PTPRD: variants seen among roughly 807,000 people sequenced by gnomAD.
The protein encoded by PTPRD is receptor-type tyrosine-protein phosphatase delta.
PTPRD carries 34 observed loss-of-function variants against 214.5 expected under a neutral mutation model. That is an observed-to-expected ratio of 0.16 (90% CI 0.12 to 0.21). PTPRD has a LOEUF of 0.21. Ranked by LOEUF, PTPRD falls within the 10% of genes least tolerant of loss-of-function variation. The pLI is 1.00. For missense variants in PTPRD, 2,545 were observed against 2,398.7 expected (o/e 1.06, Z -1.27); for synonymous variants, 1,128 against 845.7 (o/e 1.33, Z -5.79).
At chr9:9,008,388 C>A (rs149363652) in intron 11 of PTPRD, among the ~76,000 whole-genome samples, 1 of 151,620 alleles carries the variant, frequency 6.6e-6, no homozygotes, top group African/African-American at 2.4e-5. Flanking sequence ...CCACCACACC[C>A]GGCTAATTTT....
At chr9:9,669,509 A>G (rs527245544) in intron 7 of PTPRD, among the ~76,000 whole-genome samples, 15 of 152,340 alleles carry the variant, frequency 9.8e-5, no homozygotes, top group African/African-American at 3.6e-4. Context: ...AAAGTACCAC[A>G]TTAAACACAT....
At chr9:9,972,613 A>G (rs1305842021) in intron 4 of PTPRD, among the ~76,000 whole-genome samples, 1 of 152,156 alleles carries the variant, frequency 6.6e-6, no homozygotes, top group Non-Finnish European at 1.5e-5. Flanking sequence ...CAAATTTGTT[A>G]TTGTACAGTT....
At chr9:8,816,957 A>G (rs1053880288) in intron 11 of PTPRD, among the ~76,000 whole-genome samples, 4 of 152,226 alleles carry the variant, frequency 2.6e-5, no homozygotes, top group African/African-American at 4.8e-5. Context: ...CATCTGTGTT[A>G]TAAGTGTAAC....
rs1316713444 is a variant in PTPRD at position 8,507,334 on chromosome 9, T to C, written c.1644A>G (p.Glu548=). 6.2e-7 allele frequency: 1 copy of C among 1,614,010 alleles called. No homozygotes were observed. Among genetic ancestry groups the C allele is most frequent in the Non-Finnish European group, 8.5e-7 (1 of 1,179,882 alleles). ...PPRSDTIANY[E]LVYKDGEHGE... ...CATGCTCCCCATCTTTGTAGACCAGTTCATAGTTGGCAATGGTATCTGAAC... is the reference window on the plus strand; with the variant it reads ...CATGCTCCCCATCTTTGTAGACCAGCTCATAGTTGGCAATGGTATCTGAAC... Residue 548 remains glutamate, a synonymous_variant, in exon 22 of 46, where the codon GAA becomes GAG. Coordinates refer to ENST00000381196, the MANE Select transcript of PTPRD (RefSeq NM_002839.4).
chr9:9,832,254 A>G (rs546658439), intron 5 of PTPRD, among the ~76,000 whole-genome samples: 2 of 152,156 alleles, frequency 1.3e-5, no homozygotes, highest in South Asian at 4.1e-4. Context: ...ACGAAAGAGT[A>G]TCTACAATGA....
Position 9,250,131 on chromosome 9 carries a change from T to C in PTPRD, c.-202-66768A>G, listed in dbSNP as rs1299173741. ...AGCACACCATGAACAGTCGCATACA[T>C]ACATTCTTTAATATATGGCCACAAT... On this transcript the variant is annotated intron_variant, in intron 9 of 45. Transcript: ENST00000381196. Among the ~76,000 whole-genome samples, 5 of 152,066 alleles carry C rather than the reference T, an allele frequency of 3.3e-5. No individual in the cohort carries two copies. In the East Asian group the frequency reaches 5.8e-4, roughly 18 times the overall value.
At chr9:8,409,068 T>C (rs117939866) in intron 35 of PTPRD, among the ~76,000 whole-genome samples, 1 of 152,348 alleles carries the variant, frequency 6.6e-6, no homozygotes, top group Non-Finnish European at 1.5e-5. Context: ...GTTTGCATTG[T>C]ATTCTCGACA....
At chr9:10,543,954 G>A (rs1320940186) in intron 2 of PTPRD, among the ~76,000 whole-genome samples, 2 of 152,114 alleles carry the variant, frequency 1.3e-5, no homozygotes, top group Non-Finnish European at 2.9e-5. Flanking sequence ...GAGGAGGGCA[G>A]CAATAATATA....
At chr9:9,946,829 C>T (rs941558038) in intron 4 of PTPRD, among the ~76,000 whole-genome samples, 1 of 152,016 alleles carries the variant, frequency 6.6e-6, no homozygotes, top group Non-Finnish European at 1.5e-5. Context: ...AAGCAAAACT[C>T]AAGTAGTTCC....
At chr9:9,846,448 A>G (rs1160934360) in intron 5 of PTPRD, among the ~76,000 whole-genome samples, 2 of 152,180 alleles carry the variant, frequency 1.3e-5, no homozygotes, top group Admixed American at 1.3e-4. Flanking sequence ...AAGCCCTTAA[A>G]ACTACTATAA....
chr9:8,469,367 G>C (rs1406357547), intron 31 of PTPRD, among the ~76,000 whole-genome samples: 2 of 151,980 alleles, frequency 1.3e-5, no homozygotes, highest in African/African-American at 4.8e-5. Flanking sequence ...TTCTGGCTTG[G>C]ATCTCAGTGC....
chr9:10,246,353 C>G (rs1185811170), intron 3 of PTPRD, among the ~76,000 whole-genome samples: 1 of 152,106 alleles, frequency 6.6e-6, no homozygotes, highest in African/African-American at 2.4e-5. Context: ...AAGTAATTCT[C>G]CTGCCTCAGC....
chr9:8,517,817 C>A (rs2138441845), intron 21 of PTPRD, 31 bp downstream of exon 21: 2 of 1,575,062 alleles, frequency 1.3e-6, no homozygotes, highest in East Asian at 4.5e-5. Context: ...CCCTTCCCTC[C>A]TGCCCTATTT....
chr9:9,811,040 C>T (rs186666331), intron 5 of PTPRD, among the ~76,000 whole-genome samples: 15 of 152,026 alleles, frequency 9.9e-5, no homozygotes, highest in Admixed American at 5.2e-4. Context: ...GAGTTTGAGA[C>T]CAGCTTGAAC....
At chr9:10,404,181 TAATA>T (rs1172296973) in intron 2 of PTPRD, among the ~76,000 whole-genome samples, 1 of 151,876 alleles carries the variant, frequency 6.6e-6, no homozygotes, top group South Asian at 2.1e-4. Context: ...AAATTTAAAG[TAATA>T]AATAAATAAT....
At chr9:10,148,838 C>T (rs771701222) in intron 3 of PTPRD, among the ~76,000 whole-genome samples, 4 of 152,116 alleles carry the variant, frequency 2.6e-5, no homozygotes, top group African/African-American at 7.2e-5. Context: ...CAAGTTTGAG[C>T]CCTACTATCT....
chr9:9,762,607 C>G (rs1261601634), intron 6 of PTPRD, among the ~76,000 whole-genome samples: 2 of 152,206 alleles, frequency 1.3e-5, no homozygotes. Flanking sequence ...CACTAGAACA[C>G]TATTCAGCCA....
intron 3 of PTPRD, among the ~76,000 whole-genome samples, chr9:10,202,203 T>C (rs979030692): frequency 6.6e-6 from 1 of 152,016 alleles, no homozygotes; most frequent in African/African-American, 2.4e-5. Context: ...AACCTTAGCC[T>C]CCAAAAGAGA....
chr9:9,572,526 T>A (rs1400947959), intron 8 of PTPRD, among the ~76,000 whole-genome samples: 1 of 148,538 alleles, frequency 6.7e-6, no homozygotes, highest in Non-Finnish European at 1.5e-5. Context: ...TAGTTTTAAA[T>A]CCTCTATTGG....
Sources: gnomAD v4.1 joint callset for allele counts (sites outside exome capture counted in the v4.1 genomes callset) on GRCh38, gnomAD v4.1.1 for gene constraint, MANE v1.5 for transcripts, NCBI Gene and HGNC (gene_info 2026-07-23, HGNC 2026-07-21) for gene names.